CRYBG3: variants seen among roughly 807,000 people sequenced by gnomAD.
CRYBG3 encodes very large A-kinase anchor protein.
A neutral mutation model predicts 244.2 loss-of-function variants in CRYBG3; 127 were observed. The observed-to-expected ratio is 0.52, with a 90% CI of 0.45 to 0.60. The LOEUF is 0.60. CRYBG3 is among the 20% of genes least tolerant of loss of function. The probability of loss-of-function intolerance (pLI) is 0.00; values close to 1 mark genes in which losing one functional copy is unlikely to be tolerated. For missense variants in CRYBG3, 3,325 were observed against 3,442.5 expected, an observed-to-expected ratio of 0.97 and a Z score of 0.85; for synonymous variants, 1,132 against 1,195.8, an observed-to-expected ratio of 0.95 and a Z score of 1.10.
chr3:97,878,332 C>T (rs1369144572), intron 4 of CRYBG3, among the ~76,000 whole-genome samples: 1 of 152,144 alleles, frequency 6.6e-6, no homozygotes, highest in Non-Finnish European at 1.5e-5. Flanking sequence ...ATGGCTTGAA[C>T]CTGGGAGGTA....
chr3:97,919,942 G>A (rs1305244424), intron 17 of CRYBG3, among the ~76,000 whole-genome samples: 1 of 151,900 alleles, frequency 6.6e-6, no homozygotes. Context: ...GTTTTTGTGT[G>A]TTTTTTTGGT....
Position 97,935,483 on chromosome 3 carries a change from G to A in CRYBG3, c.8382-1302G>A, listed in dbSNP as rs894493169. On this transcript the variant is annotated intron_variant, in intron 18 of 21. Coordinates refer to ENST00000389622, the MANE Select transcript of CRYBG3 (RefSeq NM_153605.4). ...TGATCTTGGTTGTGGGGAGCAAGGA[G>A]GACTTTTCTTAGTGGTGGTCAGGTT... Among the ~76,000 whole-genome samples, 3 of 151,888 alleles carry A rather than the reference G, an allele frequency of 2.0e-5. No homozygotes were observed. The East Asian group carries it at 5.8e-4, about 29-fold the overall frequency.
At position 97,944,495 on chromosome 3, in the gene CRYBG3, T is replaced by C. The variant is rs1308159051; in HGVS notation, c.*1181T>C. The C allele has an allele frequency of 5.3e-5, 8 of 152,380 alleles. No homozygotes were observed. The highest frequency in any genetic ancestry group is 8.8e-5 in the Non-Finnish European group (6 of 67,908). 9.4% of individuals were successfully genotyped at this position (152,380 alleles called of 1,614,324 possible). A position where few individuals can be genotyped will look rare whatever the true frequency, so the allele number is the denominator to read the frequency against. The stretch of plus-strand genomic sequence containing the variant: ...TTCTCCAATGATATTTTAAAAAATA[T>C]CAACCTACATGCACTTTAGAATGTA... On this transcript the variant is annotated 3_prime_UTR_variant, in exon 22 of 22. Transcript: ENST00000389622.
chr3:97,822,132 G>C lies in CRYBG3; in HGVS notation c.-75G>C. On this transcript the variant is annotated 5_prime_UTR_variant, in exon 1 of 22. Coordinates refer to ENST00000389622, the MANE Select transcript of CRYBG3 (RefSeq NM_153605.4). Reference sequence around the variant, plus strand: ...GCCCTAGCCGCATCCCGCGGCGCCCGGTCGGGCTCCGGGCACCAGGCAACA... The same window carrying C: ...GCCCTAGCCGCATCCCGCGGCGCCCCGTCGGGCTCCGGGCACCAGGCAACA... The C allele has an allele frequency of 7.5e-7, 1 of 1,328,540 alleles. No homozygotes were observed. 82.3% of individuals were successfully genotyped at this position (1,328,540 alleles called of 1,614,324 possible). A position where few individuals can be genotyped will look rare whatever the true frequency, so the allele number is the denominator to read the frequency against.
At chr3:97,841,289 T>C (rs1469727383) in intron 1 of CRYBG3, among the ~76,000 whole-genome samples, 2 of 146,462 alleles carry the variant, frequency 1.4e-5, no homozygotes, top group African/African-American at 5.3e-5. Context: ...TATAGGTGCG[T>C]ACACCTATAT....
chr3:97,864,227 G>A lies in CRYBG3; in HGVS notation c.227G>A (p.Ser76Asn), dbSNP rs2039192265. 2.7e-6 allele frequency: 4 copies of A among 1,489,280 alleles called. No individual in the cohort carries two copies. The highest frequency in any genetic ancestry group is 2.8e-5 in the African/African-American group (2 of 70,456). 92.3% of individuals were successfully genotyped at this position (1,489,280 alleles called of 1,614,324 possible). ...LSSEAVKIRQ[S>N]EDKRNHAEKP... Reference sequence around the variant, plus strand: ...ATTTTGTTTTCAAAGATTCGCCAAAGTGAGGACAAAAGGAACCATGCTGAG... The same window carrying A: ...ATTTTGTTTTCAAAGATTCGCCAAAATGAGGACAAAAGGAACCATGCTGAG... The change falls in exon 3 of 22, where the codon AGT (serine) becomes AAT (asparagine). Residue 76 changes from serine to asparagine, a missense_variant. By Grantham distance (46) the Ser-to-Asn change is conservative. Transcript: ENST00000389622.
Position 97,880,014 on chromosome 3 carries a change from A to C in CRYBG3, c.6918A>C (p.Thr2306=). 6.3e-7 allele frequency: 1 copy of C among 1,586,936 alleles called. No homozygotes were observed. The change falls in exon 6 of 22, where the codon ACA becomes ACC. Residue 2306 remains threonine, a synonymous_variant. Transcript: ENST00000389622. ...TTATCTATGATCTCCATGAAAGTAC[A>C]TATAAACAAGAAGTCTACTGTAATA... ...KMVIYDLHES[T]YKQEVYCNIP... is the part of the protein sequence containing the mutation.
At chr3:97,886,547 G>A in intron 7 of CRYBG3, 84 bp from the exon 8 acceptor site, 6 of 1,032,332 alleles carry the variant, frequency 5.8e-6, no homozygotes, top group Non-Finnish European at 8.3e-6. Context: ...AATGAGAACA[G>A]TGTAACTGTA....
chr3:97,842,958 G>A (rs2038844064), intron 1 of CRYBG3, among the ~76,000 whole-genome samples: 1 of 152,178 alleles, frequency 6.6e-6, no homozygotes, highest in Non-Finnish European at 1.5e-5. Context: ...TTGATTATCT[G>A]TGTAAGAAAA....
chr3:97,921,890 G>T (rs184777410), intron 17 of CRYBG3, among the ~76,000 whole-genome samples: 20 of 152,250 alleles, frequency 1.3e-4, no homozygotes, highest in Admixed American at 1.3e-3. Context: ...TTTCCCCACT[G>T]GGGCCTTGGA....
intron 18 of CRYBG3, among the ~76,000 whole-genome samples, chr3:97,935,774 C>T (rs2040157575): frequency 6.6e-6 from 1 of 152,002 alleles, no homozygotes; most frequent in Admixed American, 6.6e-5. Flanking sequence ...GAGCTCTGGT[C>T]CATCTGATAA....
At chr3:97,907,483 A>G in intron 15 of CRYBG3, among the ~76,000 whole-genome samples, 1 of 150,758 alleles carries the variant, frequency 6.6e-6, no homozygotes, top group Middle Eastern at 3.4e-3. Flanking sequence ...GGGAGAGTGT[A>G]TGTGTCAAGG....
At position 97,943,094 on chromosome 3, in the gene CRYBG3, C is replaced by G. The variant is rs369433782; in HGVS notation, c.8825-132C>G. The G allele has an allele frequency of 6.6e-4, 399 of 609,086 alleles. 5 individuals are homozygous for G. The South Asian group carries it at 7.9e-3, about 12-fold the overall frequency. The allele number at this position is 609,086 out of a possible 1,614,324, so 37.7% of individuals were successfully genotyped here. A position where few individuals can be genotyped will look rare whatever the true frequency, so the allele number is the denominator to read the frequency against. On this transcript the variant is annotated intron_variant, in intron 21 of 21. Coordinates refer to ENST00000389622, the MANE Select transcript of CRYBG3 (RefSeq NM_153605.4). ...CTAAGCCTGTTCAAACTCAGCTTCC[C>G]ATTTCAGACTTCTTTGTAAATGACA...
intron 2 of CRYBG3, among the ~76,000 whole-genome samples, chr3:97,846,294 A>G (rs1387567354): frequency 1.3e-5 from 2 of 151,816 alleles, no homozygotes; most frequent in Non-Finnish European, 2.9e-5. Context: ...TCCATCACTG[A>G]TTTCTTTTGG....
At chr3:97,908,900 C>T (rs556631911) in intron 15 of CRYBG3, among the ~76,000 whole-genome samples, 1 of 152,204 alleles carries the variant, frequency 6.6e-6, no homozygotes, top group South Asian at 2.1e-4. Flanking sequence ...TGTTCCTTTC[C>T]ATGTTTAGCG....
intron 1 of CRYBG3, among the ~76,000 whole-genome samples, chr3:97,831,196 T>G (rs1297165169): frequency 6.6e-6 from 1 of 152,138 alleles, no homozygotes; most frequent in Non-Finnish European, 1.5e-5. Flanking sequence ...GGGAACTCAC[T>G]GGGCTTGAAG....
At chr3:97,889,156 T>C (rs980164593) in intron 9 of CRYBG3, among the ~76,000 whole-genome samples, 199 bp from the exon 10 acceptor site, 1 of 152,180 alleles carries the variant, frequency 6.6e-6, no homozygotes, top group African/African-American at 2.4e-5. Context: ...TCTACATTGA[T>C]GAGGAACACT....
intron 1 of CRYBG3, among the ~76,000 whole-genome samples, chr3:97,839,212 C>G (rs1436532072): frequency 6.6e-6 from 1 of 152,116 alleles, no homozygotes; most frequent in African/African-American, 2.4e-5. Flanking sequence ...ATTGTGGTCT[C>G]TCATGAAGCT....
rs1429258432 is a variant in CRYBG3 at position 97,865,637 on chromosome 3, A to C, written c.647+990A>C. 4.6e-5 allele frequency among the ~76,000 whole-genome samples: 7 copies of C among 152,190 alleles called. No homozygotes were observed. In the East Asian group the frequency reaches 1.3e-3, roughly 29 times the overall value. On this transcript the variant is annotated intron_variant, in intron 3 of 21. Coordinates refer to ENST00000389622, the MANE Select transcript of CRYBG3 (RefSeq NM_153605.4). ...TTTGAAACAGTGTCATACTGATGTA[A>C]TATTTGCTAGACATTTAAATCGAGC...
Sources: allele counts gnomAD v4.1 joint callset (sites outside exome capture counted in the v4.1 genomes callset), GRCh38; gene constraint gnomAD v4.1.1; transcripts MANE v1.5; gene names NCBI Gene and HGNC (gene_info 2026-07-23, HGNC 2026-07-21).